Variants in ZC3H12B observed in about 807,000 individuals in gnomAD.
The protein encoded by ZC3H12B is probable ribonuclease ZC3H12B.
ZC3H12B carries 7 observed loss-of-function variants against 43.9 expected under a neutral mutation model. The ratio of observed to expected loss-of-function variants is 0.16; its 90% CI spans 0.09 to 0.30. The LOEUF is 0.30. Ranked by LOEUF, ZC3H12B falls within the 10% of genes least tolerant of loss-of-function variation. The pLI, the probability that ZC3H12B is intolerant of heterozygous loss-of-function variation, is 1.00. For missense variants in ZC3H12B, 475 were observed against 670.2 expected (o/e 0.71, Z 3.22); for synonymous variants, 222 against 241.7 (o/e 0.92, Z 0.76).
chrX:65,152,777 C>G, the ZC3H12B span, among the ~76,000 whole-genome samples: 1 of 111,749 alleles, frequency 8.9e-6, no homozygotes, highest in Non-Finnish European at 1.9e-5. Flanking sequence ...ATTGCCAAGT[C>G]AATCCTAAGC....
the ZC3H12B span, among the ~76,000 whole-genome samples, chrX:65,038,731 T>C: frequency 9.0e-6 from 1 of 111,464 alleles, no homozygotes; most frequent in Non-Finnish European, 1.9e-5. Context: ...CAGTCTCTGT[T>C]AAGTAACATA....
intron 3 of ZC3H12B, among the ~76,000 whole-genome samples, chrX:65,448,895 AAG>A (rs201462714): frequency 1.0e-5 from 1 of 99,828 alleles, no homozygotes; most frequent in African/African-American, 4.0e-5. Flanking sequence ...TAAAGAAAGA[AAG>A]AGAGAGAGAA....
chrX:65,426,823 G>A (rs2067089327), intron 3 of ZC3H12B, among the ~76,000 whole-genome samples: 1 of 111,966 alleles, frequency 8.9e-6, no homozygotes, highest in African/African-American at 3.2e-5. Context: ...ATTGCACTGT[G>A]GTCTGAGAGA....
chrX:65,221,282 C>T, the ZC3H12B span, among the ~76,000 whole-genome samples: 3 of 111,367 alleles, frequency 2.7e-5, no homozygotes, highest in African/African-American at 9.8e-5. Flanking sequence ...TCTCAGGTCA[C>T]GTTTCAAGGA....
chrX:65,255,229 T>C, the ZC3H12B span, among the ~76,000 whole-genome samples: 1 of 111,156 alleles, frequency 9.0e-6, no homozygotes, highest in Non-Finnish European at 1.9e-5. Context: ...CTATACAAGA[T>C]GACTATTCCC....
chrX:65,091,380 C>G, the ZC3H12B span, among the ~76,000 whole-genome samples: 1 of 112,221 alleles, frequency 8.9e-6, no homozygotes, highest in African/African-American at 3.2e-5. Flanking sequence ...TTTTCAATTT[C>G]TGACTTCCAG....
the ZC3H12B span, among the ~76,000 whole-genome samples, chrX:65,251,009 G>C: frequency 3.6e-5 from 4 of 112,007 alleles, no homozygotes; most frequent in East Asian, 1.1e-3. Context: ...TTAAGTCCTT[G>C]CCTATGCCGA....
rs147401506 is a variant in ZC3H12B at position 65,469,393 on chromosome X, C to T, written n.408-19253C>T. ...ATTTTGCTGAGTGAGATCTTTGGCA[C>T]CATCAAGCTCAAGGTGTTTCTGTCG... is the stretch of plus-strand genomic sequence containing the variant. On this transcript the variant is annotated intron_variant and non_coding_transcript_variant, in intron 3 of 5. Transcript: ENST00000617377. 806 of 452,631 alleles carry T rather than the reference C, an allele frequency of 1.8e-3. 13 individuals are homozygous for T. In the East Asian group the frequency reaches 0.03, roughly 17 times the overall value. The allele number at this position is 452,631 out of a possible 1,213,427, so 37.3% of individuals were successfully genotyped here.
chrX:65,364,998 C>A (rs773729105), upstream of ZC3H12B, among the ~76,000 whole-genome samples: 5 of 111,660 alleles, frequency 4.5e-5, no homozygotes, highest in South Asian at 1.9e-3. Context: ...ACAGTCATTT[C>A]TTCCCTTCTG....
chrX:65,271,603 G>A, the ZC3H12B span: 2 of 112,374 alleles, frequency 1.8e-5, no homozygotes, highest in Non-Finnish European at 3.8e-5. Flanking sequence ...TGACTGTTCT[G>A]TTGTGGCCAC....
chrX:65,346,642 A>G, the ZC3H12B span, among the ~76,000 whole-genome samples: 1 of 112,320 alleles, frequency 8.9e-6, no homozygotes, highest in African/African-American at 3.2e-5. Context: ...TAAACTAAAG[A>G]GCTTTTAGAC....
the ZC3H12B span, among the ~76,000 whole-genome samples, chrX:65,250,080 C>T: frequency 9.1e-6 from 1 of 110,198 alleles, no homozygotes; most frequent in Non-Finnish European, 1.9e-5. Context: ...AATGCTATCC[C>T]TCCCCCTCCC....
At chrX:65,247,831 A>G in the ZC3H12B span, among the ~76,000 whole-genome samples, 1 of 111,818 alleles carries the variant, frequency 8.9e-6, no homozygotes, top group Non-Finnish European at 1.9e-5. Flanking sequence ...CCTGCATGAC[A>G]CAGGTTTACC....
chrX:65,129,796 T>G, the ZC3H12B span, among the ~76,000 whole-genome samples: 1 of 110,777 alleles, frequency 9.0e-6, no homozygotes, highest in Non-Finnish European at 1.9e-5. Context: ...GCAATGTTTC[T>G]CAGGGCTACT....
At chrX:65,212,439 T>G in the ZC3H12B span, among the ~76,000 whole-genome samples, 1 of 59,330 alleles carries the variant, frequency 1.7e-5, no homozygotes, top group African/African-American at 8.9e-5. Context: ...TATTATATAT[T>G]ATATTATATA....
the ZC3H12B span, among the ~76,000 whole-genome samples, chrX:65,076,472 T>A: frequency 3.6e-5 from 4 of 111,906 alleles, no homozygotes; most frequent in Non-Finnish European, 7.5e-5. Flanking sequence ...ATTTAAATAC[T>A]ATTTCAGCCC....
the ZC3H12B span, among the ~76,000 whole-genome samples, chrX:65,115,145 A>G: frequency 9.3e-6 from 1 of 107,315 alleles, no homozygotes; most frequent in African/African-American, 3.4e-5. Flanking sequence ...ATTTTGGTGC[A>G]CCCATCATCC....
the ZC3H12B span, among the ~76,000 whole-genome samples, chrX:65,049,040 G>A: frequency 1.8e-5 from 2 of 111,011 alleles, no homozygotes; most frequent in Admixed American, 9.6e-5. Context: ...CTATTGAGTT[G>A]TACAAGTTCC....
At chrX:65,078,554 A>G in the ZC3H12B span, among the ~76,000 whole-genome samples, 1 of 112,011 alleles carries the variant, frequency 8.9e-6, no homozygotes, top group Non-Finnish European at 1.9e-5. Context: ...ATCAAGCTAA[A>G]TGTGATTTGA....
Sources: gnomAD v4.1 joint callset for allele counts (sites outside exome capture counted in the v4.1 genomes callset) on GRCh38, gnomAD v4.1.1 for gene constraint, MANE v1.5 for transcripts, NCBI Gene and HGNC (gene_info 2026-07-23, HGNC 2026-07-21) for gene names.